Variants in GALNT18 observed in about 807,000 individuals in gnomAD.
GALNT18 encodes the protein GalNAc-transferase 18.
A neutral mutation model predicts 69.5 loss-of-function variants in GALNT18; 44 were observed. The ratio of observed to expected loss-of-function variants is 0.63; its 90% CI spans 0.50 to 0.81. The LOEUF is 0.81. Among genes scored for constraint, GALNT18 ranks in the 40% least tolerant of loss-of-function variants. The pLI is 0.00. For synonymous variants in GALNT18, 364 were observed against 318.2 expected (o/e 1.14, Z -1.53); for missense variants, 715 against 810.0 (o/e 0.88, Z 1.42).
intron 1 of GALNT18, among the ~76,000 whole-genome samples, chr11:11,568,897 T>G (rs971249828): frequency 2.6e-5 from 4 of 152,228 alleles, no homozygotes; most frequent in African/African-American, 9.6e-5. Flanking sequence ...TTCTGCCAGA[T>G]GGGCTCTGTT....
chr11:11,353,935 T>G (rs942037277), intron 6 of GALNT18, among the ~76,000 whole-genome samples: 1 of 152,190 alleles, frequency 6.6e-6, no homozygotes, highest in Admixed American at 6.5e-5. Context: ...CTGGTGTCTA[T>G]GTGTCTGGCT....
chr11:11,519,291 C>T (rs929124680), intron 1 of GALNT18, among the ~76,000 whole-genome samples: 1 of 152,222 alleles, frequency 6.6e-6, no homozygotes, highest in Non-Finnish European at 1.5e-5. Flanking sequence ...GAGGTAGAGG[C>T]ACCCTTGGCT....
intron 3 of GALNT18, among the ~76,000 whole-genome samples, chr11:11,420,967 C>T (rs1854991954): frequency 6.6e-6 from 1 of 152,018 alleles, no homozygotes; most frequent in African/African-American, 2.4e-5. Flanking sequence ...AAAAACTGGT[C>T]ACCTTGGCTA....
intron 3 of GALNT18, among the ~76,000 whole-genome samples, chr11:11,395,115 C>T (rs1854296411): frequency 6.6e-6 from 1 of 152,242 alleles, no homozygotes; most frequent in African/African-American, 2.4e-5. Context: ...TGACACAGTG[C>T]CAGGCACCCA....
At position 11,444,933 on chromosome 11, in the gene GALNT18, C is replaced by T. The variant is rs77994453; in HGVS notation, c.428+3811G>A. On this transcript the variant is annotated intron_variant, in intron 2 of 10. Transcript: ENST00000227756. This position sits in a 1 kb window ranked among gnomAD's most constrained non-coding sequence, Gnocchi z 4.4. ...TTCCAGAGACTGCAGTGACTGTGGG[C>T]TTCCTCTCCACATGCTGACCCACAT... Among the ~76,000 whole-genome samples, 3,760 of 152,298 alleles carry T rather than the reference C, an allele frequency of 0.025. 153 individuals are homozygous for T. The highest frequency in any genetic ancestry group is 0.085 in the African/African-American group (3,548 of 41,552).
In GALNT18 at chr11:11,298,217, C is replaced by G. The variant is rs79866155; in HGVS notation, c.1513-5024G>C. ...ACCCCTCACATGTGTCAAGCCTCAC[C>G]TGGCTGATGGAAACTCTGCCACAGC... On this transcript the variant is annotated intron_variant, in intron 9 of 10. Transcript: ENST00000227756. Among the ~76,000 whole-genome samples, 1,404 of 152,342 alleles carry G rather than the reference C, an allele frequency of 9.2e-3. 21 individuals are homozygous for G. Among genetic ancestry groups the G allele is most frequent in the African/African-American group, 0.031 (1,306 of 41,588 alleles).
chr11:11,504,181 G>A (rs1027508883), intron 1 of GALNT18, among the ~76,000 whole-genome samples: 2 of 152,178 alleles, frequency 1.3e-5, no homozygotes, highest in African/African-American at 4.8e-5. Flanking sequence ...TGCTCAGTAA[G>A]TATGTGCTAA....
At chr11:11,390,487 G>A (rs1854161010) in intron 3 of GALNT18, among the ~76,000 whole-genome samples, 1 of 152,212 alleles carries the variant, frequency 6.6e-6, no homozygotes, top group Admixed American at 6.5e-5. Context: ...GCAGCTCCGA[G>A]CATCCTCTGG....
rs1273946111 is a variant in GALNT18, at chr11:11,541,999, C to T, written c.235+79360G>A. On this transcript the variant is annotated intron_variant, in intron 1 of 10. Coordinates refer to ENST00000227756, the MANE Select transcript of GALNT18 (RefSeq NM_198516.3). The surrounding 1 kb of genome is among the most constrained non-coding windows in gnomAD (Gnocchi z 4.8). Reference sequence around the variant, plus strand: ...GCTTCACCCCCACCCTTCAGAAGACCCCAGAGACCCCGCTGTAAATATGAA... The same window carrying T: ...GCTTCACCCCCACCCTTCAGAAGACTCCAGAGACCCCGCTGTAAATATGAA... Among the ~76,000 whole-genome samples the T allele has an allele frequency of 6.6e-6, 1 of 152,106 alleles. No homozygotes were observed. Among genetic ancestry groups the T allele is most frequent in the Admixed American group, 6.5e-5 (1 of 15,286 alleles).
chr11:11,336,817 C>T (rs567309168), intron 7 of GALNT18, among the ~76,000 whole-genome samples: 25 of 152,274 alleles, frequency 1.6e-4, no homozygotes, highest in African/African-American at 5.8e-4. Context: ...GTCACACTCT[C>T]GGCCTGAAAC....
At position 11,426,774 on chromosome 11, in the gene GALNT18, G is replaced by A. The variant is rs114879047; in HGVS notation, c.595+5847C>T. Reference sequence around the variant, plus strand: ...GGAGTGATTCACTGACCTCCCTAGTGGGAAGGAGGCATTTGAGTAAAGGCC... The same window carrying A: ...GGAGTGATTCACTGACCTCCCTAGTAGGAAGGAGGCATTTGAGTAAAGGCC... On this transcript the variant is annotated intron_variant, in intron 3 of 10. Coordinates refer to ENST00000227756, the MANE Select transcript of GALNT18 (RefSeq NM_198516.3). Among the ~76,000 whole-genome samples, 1,287 of 152,194 alleles carry A rather than the reference G, an allele frequency of 8.5e-3. 13 individuals are homozygous for A. Among genetic ancestry groups the A allele is most frequent in the African/African-American group, 0.027 (1,107 of 41,508 alleles).
At chr11:11,578,929 G>C (rs1359994918) in intron 1 of GALNT18, among the ~76,000 whole-genome samples, 2 of 152,222 alleles carry the variant, frequency 1.3e-5, no homozygotes, top group African/African-American at 2.4e-5. Flanking sequence ...GCTTGGACCA[G>C]CTGGCTCCCT....
At chr11:11,295,602 T>C (rs1006242341) in intron 9 of GALNT18, among the ~76,000 whole-genome samples, 7 of 152,120 alleles carry the variant, frequency 4.6e-5, no homozygotes, top group South Asian at 2.1e-4. Context: ...GAGATTTCCA[T>C]TGAAATGTTC....
intron 1 of GALNT18, among the ~76,000 whole-genome samples, chr11:11,508,630 C>G (rs185441550): frequency 6.6e-6 from 1 of 152,334 alleles, no homozygotes; most frequent in Admixed American, 6.5e-5. Context: ...CTTACAGATT[C>G]AAGCAGTAAT....
chr11:11,285,682 ATTAT>A (rs1374256021), intron 10 of GALNT18, among the ~76,000 whole-genome samples: 4 of 152,202 alleles, frequency 2.6e-5, no homozygotes, highest in Non-Finnish European at 5.9e-5. Flanking sequence ...TAAATACTCG[ATTAT>A]TGTCTTTTCA....
chr11:11,273,805 A>G (rs1340259317), intron 10 of GALNT18, among the ~76,000 whole-genome samples: 1 of 152,250 alleles, frequency 6.6e-6, no homozygotes, highest in African/African-American at 2.4e-5. Context: ...GTATCCATCA[A>G]TAGGTTAATG....
intron 3 of GALNT18, among the ~76,000 whole-genome samples, chr11:11,420,619 C>T (rs545991264): frequency 8.5e-5 from 13 of 152,358 alleles, no homozygotes; most frequent in African/African-American, 3.1e-4. Context: ...CCCTGGCATA[C>T]AAGGAGTGCC....
At chr11:11,284,939 G>C (rs911710979) in intron 10 of GALNT18, among the ~76,000 whole-genome samples, 4 of 59,366 alleles carry the variant, frequency 6.7e-5, no homozygotes, top group Non-Finnish European at 1.0e-4. Context: ...TTAACTACTT[G>C]GGCGTTCTCT....
In GALNT18 at chr11:11,341,901, C is replaced by T. The variant is rs565061129; in HGVS notation, c.1093-897G>A. Among the ~76,000 whole-genome samples, 10 of 152,216 alleles carry T rather than the reference C, an allele frequency of 6.6e-5. No individual in the cohort carries two copies. The highest frequency in any genetic ancestry group is 3.9e-4 in the East Asian group (2 of 5,174). On this transcript the variant is annotated intron_variant, in intron 6 of 10. Transcript: ENST00000227756. This position sits in a 1 kb window ranked among gnomAD's most constrained non-coding sequence, Gnocchi z 6.3. The stretch of plus-strand genomic sequence containing the variant: ...CTTTGGGAGGCTAAGGTGGGAGAAT[C>T]GCTTGAGCCCAGGAGTGTGAGACAA...
Sources: gnomAD v4.1 joint callset for allele counts (sites outside exome capture counted in the v4.1 genomes callset) on GRCh38, gnomAD v4.1.1 for gene constraint, Gnocchi (gnomAD v3.1) non-coding constraint, MANE v1.5 for transcripts, NCBI Gene and HGNC (gene_info 2026-07-23, HGNC 2026-07-21) for gene names.